The following TEX29 variants were observed in gnomAD, a reference collection of about 807,000 sequenced individuals.
The protein encoded by TEX29 is testis expressed 29.
A neutral mutation model predicts 18.2 loss-of-function variants in TEX29; 26 were observed. The observed-to-expected ratio is 1.43, with a 90% CI of 1.04 to 1.98. The LOEUF is 1.98. Ranked by LOEUF, TEX29 falls within the 30% of genes most tolerant of loss-of-function variation. The pLI is 0.00. For missense variants in TEX29, 177 were observed against 194.2 expected (o/e 0.91, Z 0.53); for synonymous variants, 83 against 78.5 (o/e 1.06, Z -0.31).
intron 3 of TEX29, chr13:111,339,385 C>T (rs576928296): frequency 1.1e-4 from 51 of 454,926 alleles, no homozygotes; most frequent in South Asian, 3.3e-4. Flanking sequence ...CATCTCTCCA[C>T]GCACCCCCAG....
chr13:111,321,575 A>G (rs182542184), intron 2 of TEX29, among the ~76,000 whole-genome samples: 1 of 152,190 alleles, frequency 6.6e-6, no homozygotes, highest in East Asian at 1.9e-4. Context: ...TTTTTTTCTC[A>G]ATGGATCTTG....
intron 3 of TEX29, among the ~76,000 whole-genome samples, chr13:111,336,084 C>T (rs2093689298): frequency 6.6e-6 from 1 of 152,248 alleles, no homozygotes; most frequent in Admixed American, 6.5e-5. Flanking sequence ...AACACAAGCT[C>T]TCAAGAAAGT....
chr13:111,335,342 G>A (rs921574947), intron 3 of TEX29, among the ~76,000 whole-genome samples: 4 of 152,200 alleles, frequency 2.6e-5, no homozygotes, highest in African/African-American at 9.7e-5. Flanking sequence ...AATCTTACTT[G>A]AGAGATCTTT....
upstream of TEX29, chr13:111,320,548 C>T: frequency 2.6e-6 from 1 of 389,074 alleles, no homozygotes. Flanking sequence ...ACGCACACGG[C>T]TCCGAAGTCC....
At chr13:111,331,278 A>G (rs1438884964) in intron 3 of TEX29, among the ~76,000 whole-genome samples, 2 of 146,910 alleles carry the variant, frequency 1.4e-5, no homozygotes, top group Non-Finnish European at 3.0e-5. Context: ...GTTTTGATTC[A>G]TATTATTCTA....
chr13:111,319,178 T>G (rs1024037440), upstream of TEX29, among the ~76,000 whole-genome samples: 6 of 152,140 alleles, frequency 3.9e-5, no homozygotes, highest in African/African-American at 1.2e-4. Context: ...ACACAAACAT[T>G]GGGTTCTTCC....
chr13:111,317,571 G>A (rs1337432529), upstream of TEX29, among the ~76,000 whole-genome samples: 3 of 152,216 alleles, frequency 2.0e-5, no homozygotes, highest in African/African-American at 7.2e-5. Context: ...TACTGGACAG[G>A]TGTTGAAGAT....
At chr13:111,333,145 T>G (rs1171185067) in intron 3 of TEX29, among the ~76,000 whole-genome samples, 1 of 152,238 alleles carries the variant, frequency 6.6e-6, no homozygotes. Flanking sequence ...TCTCTTATGC[T>G]GCTTTCAAGA....
upstream of TEX29, among the ~76,000 whole-genome samples, chr13:111,319,112 G>A (rs1423133862): frequency 1.3e-5 from 2 of 152,080 alleles, no homozygotes; most frequent in South Asian, 2.1e-4. Context: ...CCAAGGCCTC[G>A]CCTCCTAATC....
chr13:111,325,030 G>A (rs1049131526), intron 2 of TEX29, among the ~76,000 whole-genome samples: 4 of 152,158 alleles, frequency 2.6e-5, no homozygotes, highest in African/African-American at 9.7e-5. Flanking sequence ...ACGGGGTGAC[G>A]GGACAGATTC....
rs372923307 is a variant in TEX29 at position 111,344,058 on chromosome 13, C to T, written c.416-25C>T. ...CTGCTGAATATTCCATTTGAAAAAA[C>T]AATTCTTCTTTTCTAAAAATCTAGT... is the stretch of plus-strand genomic sequence containing the variant. On this transcript the variant is annotated intron_variant, in intron 5 of 5. Transcript: ENST00000283547. 22 of 1,598,252 alleles carry T rather than the reference C, an allele frequency of 1.4e-5. No individual in the cohort carries two copies. The African/African-American group carries it at 2.7e-4, about 20-fold the overall frequency.
intron 5 of TEX29, among the ~76,000 whole-genome samples, chr13:111,343,570 C>T (rs2093700201): frequency 6.6e-6 from 1 of 152,172 alleles, no homozygotes; most frequent in South Asian, 2.1e-4. Flanking sequence ...TTTGGGGGCC[C>T]TTGGAGGTTG....
At chr13:111,332,400 C>A (rs1402311420) in intron 3 of TEX29, among the ~76,000 whole-genome samples, 1 of 151,964 alleles carries the variant, frequency 6.6e-6, no homozygotes, top group African/African-American at 2.4e-5. Context: ...ATCTGGCAAC[C>A]TTGTTGAACT....
At chr13:111,333,815 T>A (rs550847840) in intron 3 of TEX29, among the ~76,000 whole-genome samples, 35 of 152,258 alleles carry the variant, frequency 2.3e-4, no homozygotes, top group Middle Eastern at 3.4e-3. Context: ...AACCATCGGA[T>A]CTTGTGAGAA....
At chr13:111,331,837 A>G (rs1035722518) in intron 3 of TEX29, among the ~76,000 whole-genome samples, 1 of 152,168 alleles carries the variant, frequency 6.6e-6, no homozygotes, top group African/African-American at 2.4e-5. Flanking sequence ...TTAAGTTGAC[A>G]CCCTTGTTGA....
intron 2 of TEX29, among the ~76,000 whole-genome samples, chr13:111,327,042 A>G (rs1412047111): frequency 6.6e-6 from 1 of 152,046 alleles, no homozygotes; most frequent in Non-Finnish European, 1.5e-5. Flanking sequence ...GCCTGCTGCT[A>G]TGGGGCCTCT....
chr13:111,339,955 GGGAGGGTGGGGA>G, intron 4 of TEX29, 23 bp downstream of exon 4: 1 of 1,588,922 alleles, frequency 6.3e-7, no homozygotes, highest in Non-Finnish European at 8.6e-7. Flanking sequence ...GTTCTTTACT[GGGAGGGTGGGGA>G]GGAGGGGACT....
chr13:111,321,885 C>T (rs2093665261), intron 2 of TEX29, among the ~76,000 whole-genome samples: 1 of 152,246 alleles, frequency 6.6e-6, no homozygotes, highest in Non-Finnish European at 1.5e-5. Context: ...GATTGTGCCA[C>T]TCCACTCCAG....
chr13:111,320,628 T>G, upstream of TEX29: 1 of 556,592 alleles, frequency 1.8e-6, no homozygotes, highest in Admixed American at 3.1e-5. Context: ...GTGCCCAGCC[T>G]GGTCCCACAG....
Sources: allele counts gnomAD v4.1 joint callset (sites outside exome capture counted in the v4.1 genomes callset), GRCh38; gene constraint gnomAD v4.1.1; transcripts MANE v1.5; gene names NCBI Gene and HGNC (gene_info 2026-07-23, HGNC 2026-07-21).